Variants in COP1 observed in about 807,000 individuals in gnomAD.
The protein encoded by COP1 is E3 ubiquitin-protein ligase COP1.
A neutral mutation model predicts 101.3 loss-of-function variants in COP1; 24 were observed. The ratio of observed to expected loss-of-function variants is 0.24; its 90% confidence interval spans 0.17 to 0.33. COP1 has a LOEUF of 0.33. COP1 is among the 10% of genes least tolerant of loss of function. The pLI, the probability that COP1 is intolerant of heterozygous loss-of-function variation, is 1.00. For missense variants in COP1, 663 were observed against 906.2 expected (o/e 0.73, Z 3.45); for synonymous variants, 347 against 341.9 (o/e 1.01, Z -0.17).
At chr1:176,001,656 T>C (rs1297427328) in intron 15 of COP1, among the ~76,000 whole-genome samples, 1 of 152,100 alleles carries the variant, frequency 6.6e-6, no homozygotes, top group East Asian at 1.9e-4. Context: ...TCATCTAAAC[T>C]ATCTTTTTAT....
intron 18 of COP1, among the ~76,000 whole-genome samples, chr1:175,976,062 T>C (rs1176256343): frequency 5.9e-5 from 2 of 33,714 alleles, no homozygotes; most frequent in Non-Finnish European, 3.4e-4. Context: ...GATGTAGAAT[T>C]AGAAGGTCTC....
intron 6 of COP1, among the ~76,000 whole-genome samples, chr1:176,147,358 T>C (rs1376565948): frequency 6.6e-6 from 1 of 152,188 alleles, no homozygotes; most frequent in East Asian, 1.9e-4. Flanking sequence ...AGAAATTTAA[T>C]CAAAGTAGTA....
chr1:175,990,603 A>G (rs1293487785), intron 15 of COP1, among the ~76,000 whole-genome samples: 1 of 152,188 alleles, frequency 6.6e-6, no homozygotes, highest in Non-Finnish European at 1.5e-5. Context: ...TTCAGTCAAA[A>G]TATCTGTTTT....
chr1:176,118,910 C>CA (rs1686644533), intron 8 of COP1, among the ~76,000 whole-genome samples: 1 of 151,994 alleles, frequency 6.6e-6, no homozygotes, highest in South Asian at 2.1e-4. Context: ...TAAACATGTA[C>CA]AAAATATTAC....
chr1:176,152,036 A>G lies in COP1; in HGVS notation c.763-2962T>C, dbSNP rs529410022. Among the ~76,000 whole-genome samples, 150 of 152,092 alleles carry G rather than the reference A, an allele frequency of 9.9e-4. 1 individual carries two copies. The highest frequency in any genetic ancestry group is 2.6e-4 in the Non-Finnish European group (18 of 67,982). ...GAAATATAGAATTGTTGGCTGCAAA[A>G]TCCTAGCACTGCGGGAAGCCAAGGC... On this transcript the variant is annotated intron_variant, in intron 5 of 19. Coordinates refer to ENST00000367669, the MANE Select transcript of COP1 (RefSeq NM_022457.7).
chr1:176,112,367 G>A (rs768787503), intron 9 of COP1, among the ~76,000 whole-genome samples: 2 of 151,876 alleles, frequency 1.3e-5, no homozygotes, highest in Admixed American at 6.6e-5. Context: ...CAACGTGCAG[G>A]TTTGTTACGT....
At chr1:176,048,069 T>C (rs2149214704) in intron 11 of COP1, among the ~76,000 whole-genome samples, 1 of 152,062 alleles carries the variant, frequency 6.6e-6, no homozygotes, top group South Asian at 2.1e-4. Context: ...CAAGACCCTG[T>C]CTTAAAAAAC....
In COP1 at chr1:176,115,575, C is replaced by T. The variant is rs192630198; in HGVS notation, c.1026+1049G>A. Reference sequence around the variant, plus strand: ...CTTCCTGGCTAACATGGTGAAACCCCGTTTCTACTAAAACTACAAAAAAAT... The same window carrying T: ...CTTCCTGGCTAACATGGTGAAACCCTGTTTCTACTAAAACTACAAAAAAAT... On this transcript the variant is annotated intron_variant, in intron 9 of 19. Transcript: ENST00000367669. Among the ~76,000 whole-genome samples, 25 of 152,034 alleles carry T rather than the reference C, an allele frequency of 1.6e-4. No individual in the cohort carries two copies. The South Asian group carries it at 2.1e-3, about 13-fold the overall frequency.
intron 9 of COP1, among the ~76,000 whole-genome samples, chr1:176,103,227 C>T (rs1683711891): frequency 6.6e-6 from 1 of 152,164 alleles, no homozygotes; most frequent in East Asian, 1.9e-4. Context: ...TCCTTTTGAT[C>T]ATACCTGAAT....
At chr1:176,074,367 G>A (rs1243682299) in intron 11 of COP1, among the ~76,000 whole-genome samples, 1 of 152,124 alleles carries the variant, frequency 6.6e-6, no homozygotes, top group East Asian at 1.9e-4. Context: ...AGCTGTGAGA[G>A]TTTTTCACAC....
intron 1 of COP1, among the ~76,000 whole-genome samples, chr1:176,191,885 A>C (rs1699149721): frequency 6.6e-6 from 1 of 152,144 alleles, no homozygotes; most frequent in Admixed American, 6.6e-5. Context: ...AGGAGACGAG[A>C]GGTAAGGAAG....
chr1:176,037,053 C>A (rs1013568156), intron 14 of COP1, among the ~76,000 whole-genome samples: 6 of 152,080 alleles, frequency 3.9e-5, no homozygotes, highest in Non-Finnish European at 7.4e-5. Context: ...AACCTTCAAA[C>A]AAAGAAAACT....
chr1:175,949,066 G>A (rs577110671), intron 18 of COP1, among the ~76,000 whole-genome samples: 4 of 147,774 alleles, frequency 2.7e-5, no homozygotes, highest in South Asian at 4.4e-4. Flanking sequence ...AGGAGGCTGA[G>A]GCAGGGGAAG....
chr1:176,206,700 G>A lies in COP1; in HGVS notation c.279C>T (p.Ala93=), dbSNP rs368705243. 1.1e-4 allele frequency: 169 copies of A among 1,603,344 alleles called. No homozygotes were observed. In the African/African-American group the frequency reaches 1.8e-3, roughly 17 times the overall value. ...TGCCTCCTACGCCGGCGCTGGGCCT[G>A]GCCGCGCAGCTGTGCCGGGACAGGC... The part of the protein sequence containing the change: ...STGLSRHSCA[A]RPSAGVGGSS... The change falls in exon 1 of 20, where the codon GCC becomes GCT. Residue 93 remains alanine (A), a synonymous_variant. Transcript: ENST00000367669.
At position 176,108,256 on chromosome 1, in the gene COP1, T is replaced by C. The variant is rs186433912; in HGVS notation, c.1026+8368A>G. 9.9e-4 allele frequency among the ~76,000 whole-genome samples: 150 copies of C among 152,272 alleles called. 1 individual carries two copies. The highest frequency in any genetic ancestry group is 3.4e-3 in the African/African-American group (142 of 41,556). ...TCATACATTTCTGGCTTCACTTATA[T>C]TGTTAGCATTTTTTTCAATTCAACT... On this transcript the variant is annotated intron_variant, in intron 9 of 19. Transcript: ENST00000367669.
chr1:176,059,262 T>C (rs1674421592), intron 11 of COP1, among the ~76,000 whole-genome samples: 1 of 152,208 alleles, frequency 6.6e-6, no homozygotes, highest in African/African-American at 2.4e-5. Context: ...ATTCTCTCCC[T>C]CTTAAGCATT....
chr1:176,173,629 C>T (rs1251838582), intron 3 of COP1, among the ~76,000 whole-genome samples: 3 of 146,748 alleles, frequency 2.0e-5, no homozygotes, highest in Non-Finnish European at 4.5e-5. Flanking sequence ...CAGAGTGGGG[C>T]GCTGTCTCAA....
Position 176,037,262 on chromosome 1 carries a change from C to T in COP1, c.1612+5924G>A, listed in dbSNP as rs1383116672. Among the ~76,000 whole-genome samples, 4 of 151,940 alleles carry T rather than the reference C, an allele frequency of 2.6e-5. No homozygotes were observed. The East Asian group carries it at 7.8e-4, about 29-fold the overall frequency. ...CTAAAAATACAAAAACAAAAATTAG[C>T]CAGGCATGGTGGCGGGTGCCCGTAG... is the stretch of plus-strand genomic sequence containing the variant. On this transcript the variant is annotated intron_variant, in intron 14 of 19. Coordinates refer to ENST00000367669, the MANE Select transcript of COP1 (RefSeq NM_022457.7).
intron 5 of COP1, among the ~76,000 whole-genome samples, chr1:176,159,873 A>G (rs1309428861): frequency 1.3e-5 from 2 of 152,174 alleles, no homozygotes; most frequent in African/African-American, 4.8e-5. Flanking sequence ...AAGTATGAAA[A>G]TAATTACTTC....
Sources: gnomAD v4.1 joint callset for allele counts (sites outside exome capture counted in the v4.1 genomes callset) on GRCh38, gnomAD v4.1.1 for gene constraint, MANE v1.5 for transcripts, NCBI Gene and HGNC (gene_info 2026-07-23, HGNC 2026-07-21) for gene names.